AARS2: variants seen among roughly 807,000 people sequenced by gnomAD.
AARS2 encodes the protein alanine--tRNA ligase, mitochondrial.
A neutral mutation model predicts 119.7 loss-of-function variants in AARS2; 78 were observed. The ratio of observed to expected loss-of-function variants is 0.65; its 90% CI spans 0.54 to 0.79. AARS2 has a LOEUF of 0.79. Among genes scored for constraint, AARS2 ranks in the 30% least tolerant of loss-of-function variants. The pLI, the probability that AARS2 is intolerant of heterozygous loss-of-function variation, is 0.00. For synonymous variants in AARS2, 502 were observed against 526.3 expected, an observed-to-expected ratio of 0.95 and a Z score of 0.63; for missense variants, 1,157 against 1,291.3, an observed-to-expected ratio of 0.90 and a Z score of 1.59.
Position 44,305,543 on chromosome 6 carries a change from C to G in AARS2, c.1434+110G>C. 1 of 1,542,790 alleles carries G rather than the reference C, an allele frequency of 6.5e-7. No homozygotes were observed. The highest frequency in any genetic ancestry group is 1.4e-5 in the African/African-American group (1 of 73,438). Reference sequence around the variant, plus strand: ...AACCTCCCAGGTGAGGGGACAGATCCTATCTCAGCCTCTTGATTCCTCTCA... The same window carrying G: ...AACCTCCCAGGTGAGGGGACAGATCGTATCTCAGCCTCTTGATTCCTCTCA... On this transcript the variant is annotated intron_variant, in intron 10 of 21. Transcript: ENST00000244571. This position sits in a 1 kb window ranked among gnomAD's most constrained non-coding sequence, Gnocchi z 4.6.
At chr6:44,306,572 A>G in intron 7 of AARS2, 40 bp from the exon 8 acceptor site, 3 of 1,613,188 alleles carry the variant, frequency 1.9e-6, no homozygotes, top group Non-Finnish European at 2.5e-6. Context: ...GTGAAAGGCA[A>G]CCAACCCACC....
chr6:44,310,554 A>G, intron 4 of AARS2, 111 bp from the exon 5 acceptor site: 1 of 1,409,914 alleles, frequency 7.1e-7, no homozygotes, highest in Non-Finnish European at 9.8e-7. Flanking sequence ...TGACAGTGGG[A>G]GGAACCAGAC....
chr6:44,312,044 G>C, intron 2 of AARS2, 28 bp downstream of exon 2: 1 of 1,610,386 alleles, frequency 6.2e-7, no homozygotes, highest in South Asian at 1.1e-5. Flanking sequence ...CTCCCTTCTT[G>C]GCTGATCACT....
chr6:44,304,922 C>T (rs1785703080), intron 11 of AARS2, 105 bp from the exon 12 acceptor site: 2 of 1,605,670 alleles, frequency 1.2e-6, no homozygotes, highest in South Asian at 1.1e-5. Flanking sequence ...GGGGCACTTC[C>T]AGCTGGGGGC....
chr6:44,313,287 G>A lies in AARS2; in HGVS notation c.37C>T (p.Arg13Trp), dbSNP rs774773031. ...GCGGGCGACCTTCGAATGGCCCGCC[G>A]CAGCCTCCGGGCTGCAGCTGCCACT... ...ASVAAAARRL[R>W]RAIRRSPAWR... is the part of the protein sequence containing the mutation. The change falls in exon 1 of 22, where the codon CGG becomes TGG. Residue 13 changes from arginine (R) to tryptophan (W), a missense_variant. Coordinates refer to ENST00000244571, the MANE Select transcript of AARS2 (RefSeq NM_020745.4). 3.8e-6 allele frequency: 6 copies of A among 1,597,680 alleles called. No homozygotes were observed. The highest frequency in any genetic ancestry group is 4.5e-5 in the East Asian group (2 of 44,384).
rs755273594 is a variant in AARS2 at position 44,304,320 on chromosome 6, G to A, written c.1868C>T (p.Ala623Val). 7.4e-6 allele frequency: 12 copies of A among 1,614,082 alleles called. No individual in the cohort carries two copies. The East Asian group carries it at 8.9e-5, about 12-fold the overall frequency. The change falls in exon 14 of 22, where the codon GCC (alanine) becomes GTC (valine). Residue 623 changes from alanine to valine, a missense_variant and splice_region_variant. Physicochemically the swap from Ala to Val is moderately conservative, Grantham distance 64 (BLOSUM62 0). Coordinates refer to ENST00000244571, the MANE Select transcript of AARS2 (RefSeq NM_020745.4). ...GDQVQLHVDE[A>V]WRLGCMAKHT... ...CTTCGCCATGCAGCCTAGACGCCAG[G>A]CCTGAAATACTTTTGTCACCCAGCG...
chr6:44,312,358 C>G (rs1583061784), intron 1 of AARS2, 95 bp from the exon 2 acceptor site: 5 of 1,281,926 alleles, frequency 3.9e-6, no homozygotes, highest in African/African-American at 1.5e-5. Context: ...CTGTTCAGAC[C>G]GAAGGCTGAC....
Position 44,304,744 on chromosome 6 carries a change from T to C in AARS2, c.1653A>G (p.Lys551=), listed in dbSNP as rs1387920210. ...EDGTAVASVG[K]GQRCGLLLDR... ...CCAAGAGGAGGCCACAGCGCTGGCC[T>C]TTCCCCACGGAGGCCACTGCTGTCC... The change falls in exon 12 of 22, where the codon AAA becomes AAG. Residue 551 remains lysine (K), a synonymous_variant. Transcript: ENST00000244571. The C allele has an allele frequency of 6.2e-7, 1 of 1,614,088 alleles. No individual in the cohort carries two copies. Among genetic ancestry groups the C allele is most frequent in the African/African-American group, 1.3e-5 (1 of 74,924 alleles).
intron 14 of AARS2, 24 bp from the exon 15 acceptor site, chr6:44,303,447 A>C: frequency 6.2e-7 from 1 of 1,613,782 alleles, no homozygotes; most frequent in Non-Finnish European, 8.5e-7. Context: ...GAGGAAATGG[A>C]AAGACCAACA....
chr6:44,310,584 C>T (rs1482076569), intron 4 of AARS2, 141 bp from the exon 5 acceptor site: 10 of 1,127,896 alleles, frequency 8.9e-6, no homozygotes, highest in Non-Finnish European at 1.3e-5. Context: ...CTTCCCCTGC[C>T]ACCCTGCAAT....
At position 44,305,380 on chromosome 6, in the gene AARS2, C is replaced by T. The variant is rs989432988; in HGVS notation, c.1435-182G>A. On this transcript the variant is annotated intron_variant, in intron 10 of 21. Coordinates refer to ENST00000244571, the MANE Select transcript of AARS2 (RefSeq NM_020745.4). The surrounding 1 kb of genome is among the most constrained non-coding windows in gnomAD (Gnocchi z 4.6). ...GAGCTGGTTGAACCATCCATCATGT[C>T]GGCTCCTCGGGATTAGGCCTTCCTG... Among the ~76,000 whole-genome samples, 2 of 152,192 alleles carry T rather than the reference C, an allele frequency of 1.3e-5. No individual in the cohort carries two copies. Among genetic ancestry groups the T allele is most frequent in the Non-Finnish European group, 1.5e-5 (1 of 68,022 alleles).
Position 44,303,089 on chromosome 6 carries a change from G to A in AARS2, c.2232C>T (p.Thr744=), listed in dbSNP as rs1301885153. 6.2e-7 allele frequency: 1 copy of A among 1,614,120 alleles called. No homozygotes were observed. The highest frequency in any genetic ancestry group is 1.7e-5 in the Admixed American group (1 of 60,026). The change falls in exon 16 of 22, where the codon ACC becomes ACT. Residue 744 remains threonine, a synonymous_variant. Transcript: ENST00000244571. The stretch of plus-strand genomic sequence containing the variant: ...ACGTCCCACAGCATAGCTCCACAGA[G>A]GTCTGCAGTGCGGCTTGGGAGGCTG... ...LDPASQAALQ[T]SVELCCGTHL...
Position 44,300,384 on chromosome 6 carries a change from G to T in AARS2, c.*163C>A. 1.0e-6 allele frequency: 1 copy of T among 973,564 alleles called. No individual in the cohort carries two copies. The highest frequency in any genetic ancestry group is 1.6e-6 in the Non-Finnish European group (1 of 630,014). 60.3% of individuals were successfully genotyped at this position (973,564 alleles called of 1,614,324 possible). A position where few individuals can be genotyped will look rare whatever the true frequency, so the allele number is the denominator to read the frequency against. On this transcript the variant is annotated 3_prime_UTR_variant, in exon 22 of 22. Coordinates refer to ENST00000244571, the MANE Select transcript of AARS2 (RefSeq NM_020745.4). ...CCCAGTTCTGCCTTCCCTAGCCCAT[G>T]TCTCCTTGTGTCACGTAGGCCCTGG...
In AARS2 at chr6:44,300,614, G is replaced by A. The variant is rs1180606004; in HGVS notation, c.2891C>T (p.Thr964Ile). The change falls in exon 22 of 22, where the codon ACC (threonine) becomes ATC (isoleucine). Residue 964 changes from threonine to isoleucine, a missense_variant. By Grantham distance (89) the Thr-to-Ile change is moderately conservative. Transcript: ENST00000244571. The part of the protein sequence containing the change: ...AWGSRVVAQG[T>I]GSTTDLEAAL... The stretch of plus-strand genomic sequence containing the variant: ...AGCTTCCAGGTCAGTAGTGCTTCCG[G>A]TGCCTTGGGCCACCACTCGTGAGCC... The A allele has an allele frequency of 6.2e-7, 1 of 1,614,014 alleles. No individual in the cohort carries two copies. Among genetic ancestry groups the A allele is most frequent in the Non-Finnish European group, 8.5e-7 (1 of 1,180,032 alleles).
chr6:44,306,177 CA>C (rs1554148403), intron 9 of AARS2, 102 bp downstream of exon 9: 2 of 1,088,866 alleles, frequency 1.8e-6, no homozygotes, highest in Non-Finnish European at 1.4e-6. Flanking sequence ...GGGAAGAGGT[CA>C]GGGGTGGATA....
rs199955037 is a variant in AARS2, at chr6:44,312,063, G to A, written c.435+9C>T. On this transcript the variant is annotated intron_variant, in intron 2 of 21. Coordinates refer to ENST00000244571, the MANE Select transcript of AARS2 (RefSeq NM_020745.4). ...CTTCTTGGCTGATCACTGATCCCCAGAGACTCACCTTAAAATATTCACCCC... is the reference window on the plus strand; with the variant it reads ...CTTCTTGGCTGATCACTGATCCCCAAAGACTCACCTTAAAATATTCACCCC... 1.7e-4 allele frequency: 280 copies of A among 1,613,634 alleles called. No homozygotes were observed. Among genetic ancestry groups the A allele is most frequent in the Non-Finnish European group, 2.1e-4 (247 of 1,179,694 alleles).
rs971095467 is a variant in AARS2, at chr6:44,311,958, C to G, written c.435+114G>C. 6 of 1,296,338 alleles carry G rather than the reference C, an allele frequency of 4.6e-6. No homozygotes were observed. The African/African-American group carries it at 8.8e-5, about 19-fold the overall frequency. 80.3% of individuals were successfully genotyped at this position (1,296,338 alleles called of 1,614,324 possible). On this transcript the variant is annotated intron_variant, in intron 2 of 21. Coordinates refer to ENST00000244571, the MANE Select transcript of AARS2 (RefSeq NM_020745.4). ...TGAGGTAATTCCTGTTACACCGGCT[C>G]AACTAGCACTTTGCCTCCACATCTG...
At chr6:44,303,250 C>T (rs1221071017) in intron 15 of AARS2, 36 bp downstream of exon 15, 2 of 1,614,034 alleles carry the variant, frequency 1.2e-6, no homozygotes, top group East Asian at 4.5e-5. Flanking sequence ...CTGAAGGAGG[C>T]CCCCGATCTC....
At chr6:44,306,554 G>A (rs1161155349) in intron 7 of AARS2, 22 bp from the exon 8 acceptor site, 13 of 1,613,924 alleles carry the variant, frequency 8.1e-6, no homozygotes, top group East Asian at 2.2e-5. Context: ...GGAGAGGGCT[G>A]AGGAGGTGTG....
Sources: gnomAD v4.1 joint callset for allele counts (sites outside exome capture counted in the v4.1 genomes callset) on GRCh38, gnomAD v4.1.1 for gene constraint, Gnocchi (gnomAD v3.1) non-coding constraint, MANE v1.5 for transcripts, NCBI Gene and HGNC (gene_info 2026-07-23, HGNC 2026-07-21) for gene names.